Variants in DNTT observed in about 807,000 individuals in gnomAD.
The protein encoded by DNTT is nucleosidetriphosphate:DNA deoxynucleotidylexotransferase.
Under a neutral mutation model 60.9 loss-of-function variants are expected in DNTT, and 47 were observed. The observed-to-expected ratio is 0.77, with a 90% confidence interval of 0.61 to 0.98. The LOEUF is 0.98. Ranked by LOEUF, DNTT falls within the 50% of genes least tolerant of loss-of-function variation. The pLI, the probability that DNTT is intolerant of heterozygous loss-of-function variation, is 0.00. For synonymous variants in DNTT, 224 were observed against 221.2 expected, an observed-to-expected ratio of 1.01 and a Z score of -0.11; for missense variants, 665 against 627.5, an observed-to-expected ratio of 1.06 and a Z score of -0.64.
At chr10:96,327,624 C>T (rs2133992550) in intron 7 of DNTT, 24 bp downstream of exon 7, 1 of 1,599,874 alleles carries the variant, frequency 6.3e-7, no homozygotes. Context: ...GTGGCTTTGC[C>T]TCCTCTGCCC....
intron 9 of DNTT, among the ~76,000 whole-genome samples, chr10:96,333,423 A>C (rs997578274): frequency 6.6e-6 from 1 of 152,222 alleles, no homozygotes; most frequent in African/African-American, 2.4e-5. Context: ...AAAAAACTAA[A>C]AACAGGGCTA....
At chr10:96,318,662 A>G (rs1844822188) in intron 2 of DNTT, 136 bp downstream of exon 2, 1 of 999,454 alleles carries the variant, frequency 1.0e-6, no homozygotes, top group East Asian at 2.7e-5. Context: ...ACTTAGCTTT[A>G]CTGAGCTTCA....
At chr10:96,310,818 C>T (rs1844706432) in intron 1 of DNTT, among the ~76,000 whole-genome samples, 1 of 152,044 alleles carries the variant, frequency 6.6e-6, no homozygotes, top group Non-Finnish European at 1.5e-5. Context: ...TTGTGTTTAC[C>T]AAGAGTAATT....
At chr10:96,331,169 T>G (rs1845002189) in intron 8 of DNTT, among the ~76,000 whole-genome samples, 1 of 152,116 alleles carries the variant, frequency 6.6e-6, no homozygotes, top group South Asian at 2.1e-4. Flanking sequence ...GGACTAACAC[T>G]CTCATGAGAA....
chr10:96,313,314 G>T (rs527299338), intron 1 of DNTT, among the ~76,000 whole-genome samples: 221 of 152,324 alleles, frequency 1.5e-3, no homozygotes, highest in Non-Finnish European at 2.3e-3. Flanking sequence ...CAAGGTCTCT[G>T]TGGGCAAGGC....
intron 6 of DNTT, among the ~76,000 whole-genome samples, chr10:96,324,886 T>C (rs1844922237): frequency 1.3e-5 from 2 of 152,140 alleles, no homozygotes; most frequent in Admixed American, 1.3e-4. Flanking sequence ...GGCACAAATG[T>C]GAAGATGCCC....
At chr10:96,320,476 G>A in intron 3 of DNTT, 142 bp from the exon 4 acceptor site, 1 of 865,878 alleles carries the variant, frequency 1.2e-6, no homozygotes, top group Non-Finnish European at 1.8e-6. Context: ...GCATACAAGG[G>A]TATGGGAGAC....
intron 1 of DNTT, among the ~76,000 whole-genome samples, chr10:96,313,672 T>G (rs545654892): frequency 1.3e-5 from 2 of 152,358 alleles, no homozygotes; most frequent in South Asian, 4.1e-4. Flanking sequence ...TATCATTATC[T>G]TTGCTAATAG....
intron 4 of DNTT, among the ~76,000 whole-genome samples, chr10:96,321,403 T>G (rs1185182897): frequency 6.6e-6 from 1 of 152,054 alleles, no homozygotes; most frequent in African/African-American, 2.4e-5. Context: ...CTCCTTGTGC[T>G]TGGGAGGGGA....
At position 96,324,514 on chromosome 10, in the gene DNTT, C is replaced by A. The variant is rs529379966; in HGVS notation, c.874+125C>A. ...GACACTTCTTTGATGTCCATTGATGCTTGGATCTAAATCCTAGCTCCAGCA... is the reference window on the plus strand; with the variant it reads ...GACACTTCTTTGATGTCCATTGATGATTGGATCTAAATCCTAGCTCCAGCA... On this transcript the variant is annotated intron_variant, in intron 6 of 10. Coordinates refer to ENST00000371174, the MANE Select transcript of DNTT (RefSeq NM_004088.4). 1.2e-4 allele frequency: 169 copies of A among 1,418,092 alleles called. 1 individual carries two copies. In the African/African-American group the frequency reaches 2.3e-3, roughly 19 times the overall value. 87.8% of individuals were successfully genotyped at this position (1,418,092 alleles called of 1,614,324 possible).
chr10:96,333,619 G>A (rs1845032755), intron 9 of DNTT, among the ~76,000 whole-genome samples: 1 of 152,232 alleles, frequency 6.6e-6, no homozygotes, highest in South Asian at 2.1e-4. Context: ...ATGCACAGTG[G>A]AGTATGACAC....
At chr10:96,337,924 A>C (rs527428993) in intron 10 of DNTT, among the ~76,000 whole-genome samples, 1 of 152,354 alleles carries the variant, frequency 6.6e-6, no homozygotes, top group South Asian at 2.1e-4. Context: ...CTTTTGCTGA[A>C]TATGTTAAAG....
In DNTT at chr10:96,318,358, T is replaced by C; in HGVS notation, c.210T>C (p.Ser70=). ...TCTGTCTTGCATTTTGCAGTGATTC[T>C]GTCACCCACATCGTAGCAGAGAACA... The part of the protein sequence containing the change: ...GFRVENELSD[S]VTHIVAENNS... The change falls in exon 2 of 11, where the codon TCT becomes TCC. Residue 70 remains serine (S), a synonymous_variant. Coordinates refer to ENST00000371174, the MANE Select transcript of DNTT (RefSeq NM_004088.4). 6.2e-7 allele frequency: 1 copy of C among 1,609,698 alleles called. No homozygotes were observed. Among genetic ancestry groups the C allele is most frequent in the South Asian group, 1.1e-5 (1 of 90,370 alleles).
At chr10:96,313,386 T>C (rs1382908324) in intron 1 of DNTT, among the ~76,000 whole-genome samples, 1 of 152,110 alleles carries the variant, frequency 6.6e-6, no homozygotes, top group East Asian at 1.9e-4. Context: ...TCATGTATAT[T>C]TTCCCCCAAG....
intron 1 of DNTT, among the ~76,000 whole-genome samples, chr10:96,314,344 T>C (rs1844757570): frequency 6.9e-6 from 1 of 145,690 alleles, no homozygotes; most frequent in Non-Finnish European, 1.5e-5. Context: ...AAATCCCTGC[T>C]CCACCTACTA....
intron 8 of DNTT, among the ~76,000 whole-genome samples, chr10:96,329,904 C>T (rs1344117444): frequency 6.6e-6 from 1 of 152,206 alleles, no homozygotes; most frequent in Non-Finnish European, 1.5e-5. Flanking sequence ...CCCCACAGCT[C>T]TCTTCCTGAG....
rs890579411 is a variant in DNTT at position 96,319,504 on chromosome 10, C to A, written c.507+114C>A. On this transcript the variant is annotated intron_variant, in intron 3 of 10. Coordinates refer to ENST00000371174, the MANE Select transcript of DNTT (RefSeq NM_004088.4). Reference sequence around the variant, plus strand: ...AAAACCTGGGAAAGTTTTCCTCCCACCTACCTGCAGCCCTAGCCTGATCTC... The same window carrying A: ...AAAACCTGGGAAAGTTTTCCTCCCAACTACCTGCAGCCCTAGCCTGATCTC... The A allele has an allele frequency of 4.8e-6, 7 of 1,459,080 alleles. No homozygotes were observed. In the African/African-American group the frequency reaches 9.8e-5, roughly 21 times the overall value. 90.4% of individuals were successfully genotyped at this position (1,459,080 alleles called of 1,614,324 possible).
intron 5 of DNTT, among the ~76,000 whole-genome samples, 186 bp downstream of exon 5, chr10:96,322,914 G>A (rs1844897378): frequency 6.6e-6 from 1 of 152,104 alleles, no homozygotes; most frequent in Admixed American, 6.5e-5. Context: ...TTCTGGTGAG[G>A]GTTCTCTTTC....
At position 96,319,299 on chromosome 10, in the gene DNTT, C is replaced by T. The variant is rs1844832883; in HGVS notation, c.416C>T (p.Pro139Leu). 1.2e-6 allele frequency: 2 copies of T among 1,613,684 alleles called. No individual in the cohort carries two copies. Among genetic ancestry groups the T allele is most frequent in the African/African-American group, 1.3e-5 (1 of 74,862 alleles). The change falls in exon 3 of 11, where the codon CCC (proline) becomes CTC (leucine). Residue 139 changes from proline (P) to leucine (L), a missense_variant. Coordinates refer to ENST00000371174, the MANE Select transcript of DNTT (RefSeq NM_004088.4). ...RDYSDSTNPG[P>L]PKTPPIAVQK... is the part of the protein sequence containing the mutation. ...TATTCAGATAGCACCAACCCAGGCC[C>T]CCCGAAGACTCCACCAATTGCTGTA... is the stretch of plus-strand genomic sequence containing the variant.
Sources: allele counts gnomAD v4.1 joint callset (sites outside exome capture counted in the v4.1 genomes callset), GRCh38; gene constraint gnomAD v4.1.1; transcripts MANE v1.5; gene names NCBI Gene and HGNC (gene_info 2026-07-23, HGNC 2026-07-21).